SLC24A3: variants seen among roughly 807,000 people sequenced by gnomAD.
SLC24A3 encodes solute carrier family 24 member 3, also known as sodium/potassium/calcium exchanger 3.
SLC24A3 carries 28 observed loss-of-function variants against 75.8 expected under a neutral mutation model. The ratio of observed to expected loss-of-function variants is 0.37; its 90% CI spans 0.27 to 0.51. The LOEUF is 0.51. Ranked by LOEUF, SLC24A3 falls within the 20% of genes least tolerant of loss-of-function variation. The pLI, the probability that SLC24A3 is intolerant of heterozygous loss-of-function variation, is 0.94. For synonymous variants in SLC24A3, 372 were observed against 334.1 expected (o/e 1.11, Z -1.24); for missense variants, 663 against 847.8 (o/e 0.78, Z 2.71).
chr20:19,518,736 C>T (rs1284680297), intron 3 of SLC24A3, among the ~76,000 whole-genome samples: 1 of 152,196 alleles, frequency 6.6e-6, no homozygotes, highest in African/African-American at 2.4e-5. Context: ...ACCGTCCCTC[C>T]TTGCCTAGGG....
At chr20:19,351,334 C>A (rs1206768344) in intron 2 of SLC24A3, among the ~76,000 whole-genome samples, 1 of 152,220 alleles carries the variant, frequency 6.6e-6, no homozygotes, top group Non-Finnish European at 1.5e-5. Context: ...CTCTATTTCA[C>A]CTTCACATCA....
At chr20:19,479,762 C>T (rs115228197) in intron 2 of SLC24A3, among the ~76,000 whole-genome samples, 7 of 152,334 alleles carry the variant, frequency 4.6e-5, no homozygotes, top group Admixed American at 2.6e-4. Flanking sequence ...GGGCATTAAC[C>T]CCTAGCTCTG....
At chr20:19,349,103 A>G (rs938355558) in intron 2 of SLC24A3, among the ~76,000 whole-genome samples, 1 of 152,122 alleles carries the variant, frequency 6.6e-6, no homozygotes, top group Non-Finnish European at 1.5e-5. Flanking sequence ...AGCAATACAT[A>G]CTTGGTAAAT....
intron 2 of SLC24A3, among the ~76,000 whole-genome samples, chr20:19,389,877 G>A (rs551129429): frequency 1.1e-4 from 17 of 152,152 alleles, no homozygotes; most frequent in African/African-American, 3.9e-4. Context: ...ATGCTTGATT[G>A]TGTTCCATAA....
intron 6 of SLC24A3, among the ~76,000 whole-genome samples, chr20:19,593,125 A>G (rs2031402915): frequency 6.6e-6 from 1 of 152,232 alleles, no homozygotes; most frequent in Admixed American, 6.5e-5. Context: ...CAAGTTGCCC[A>G]GAGTCTTACC....
At position 19,665,897 on chromosome 20, in the gene SLC24A3, C is replaced by T; in HGVS notation, c.713+8C>T. ...TGATGAAAAAGTTTCCTGGTAAGTA[C>T]CTCTCTTTCCCCTTCTCATTTCTGA... On this transcript the variant is annotated splice_region_variant and intron_variant, in intron 8 of 16. Transcript: ENST00000328041. 1.2e-6 allele frequency: 2 copies of T among 1,603,718 alleles called. No homozygotes were observed. Among genetic ancestry groups the T allele is most frequent in the Non-Finnish European group, 1.7e-6 (2 of 1,174,846 alleles).
rs200121785 is a variant in SLC24A3 at position 19,280,921 on chromosome 20, C to T, written c.143-38C>T. On this transcript the variant is annotated intron_variant, in intron 1 of 16. Transcript: ENST00000328041. ...AGCGTCGGCAGAGGCTGAAACCCAG[C>T]TGTGAATGATGTGTGGTTATTGTCT... 15 of 1,605,950 alleles carry T rather than the reference C, an allele frequency of 9.3e-6. No homozygotes were observed. The East Asian group carries it at 3.4e-4, about 36-fold the overall frequency.
At chr20:19,242,347 G>C (rs1298798208) in intron 1 of SLC24A3, 1 of 152,220 alleles carries the variant, frequency 6.6e-6, no homozygotes, top group Non-Finnish European at 1.5e-5. Flanking sequence ...CAATGGGCAG[G>C]TGTGGGATTA....
At chr20:19,540,900 A>G (rs571611193) in intron 3 of SLC24A3, among the ~76,000 whole-genome samples, 54 of 152,320 alleles carry the variant, frequency 3.5e-4, no homozygotes, top group African/African-American at 1.2e-3. Flanking sequence ...TTTGATAACA[A>G]TGTCACTTTA....
intron 7 of SLC24A3, 21 bp from the exon 8 acceptor site, chr20:19,665,843 A>G (rs1403533651): frequency 5.2e-6 from 8 of 1,542,030 alleles, no homozygotes; most frequent in East Asian, 4.6e-5. Context: ...CTAATCTTCT[A>G]TTCTTTTTAT....
intron 6 of SLC24A3, among the ~76,000 whole-genome samples, chr20:19,649,537 C>T (rs1052237715): frequency 1.1e-4 from 16 of 152,128 alleles, no homozygotes; most frequent in African/African-American, 3.4e-4. Context: ...TCACTTACCT[C>T]GATTCTCTTG....
At chr20:19,663,168 A>G (rs1002584742) in intron 7 of SLC24A3, among the ~76,000 whole-genome samples, 1 of 151,912 alleles carries the variant, frequency 6.6e-6, no homozygotes, top group Non-Finnish European at 1.5e-5. Flanking sequence ...TCATGGCTCA[A>G]GTGATTCTCC....
intron 3 of SLC24A3, among the ~76,000 whole-genome samples, chr20:19,561,390 T>C (rs2030872912): frequency 6.6e-6 from 1 of 152,110 alleles, no homozygotes; most frequent in African/African-American, 2.4e-5. Flanking sequence ...AATCATGTGT[T>C]TGTTAGAATG....
intron 15 of SLC24A3, among the ~76,000 whole-genome samples, chr20:19,714,412 AAAAAAAAAAAAAAAC>A (rs1568708764): frequency 8.2e-6 from 1 of 122,274 alleles, no homozygotes; most frequent in African/African-American, 3.1e-5. Context: ...CTCTAAAAAA[AAAAAAAAAAAAAAAC>A]AACAAAAAGA....
chr20:19,287,681 A>G (rs193208376), intron 2 of SLC24A3, among the ~76,000 whole-genome samples: 107 of 152,332 alleles, frequency 7.0e-4, no homozygotes, highest in Non-Finnish European at 1.1e-3. Flanking sequence ...GGGGTCATCA[A>G]TGAGGCAGAA....
At chr20:19,411,314 G>A (rs1600470342) in intron 2 of SLC24A3, among the ~76,000 whole-genome samples, 1 of 152,358 alleles carries the variant, frequency 6.6e-6, no homozygotes, top group East Asian at 1.9e-4. Context: ...AAAAGAAAGT[G>A]TTGGGTTTTT....
At chr20:19,514,430 G>A (rs867477464) in intron 2 of SLC24A3, among the ~76,000 whole-genome samples, 1 of 152,216 alleles carries the variant, frequency 6.6e-6, no homozygotes. Context: ...AAATGGTGGT[G>A]GTTTCTCTAA....
intron 15 of SLC24A3, among the ~76,000 whole-genome samples, chr20:19,702,044 C>T (rs1414927630): frequency 6.6e-6 from 1 of 152,124 alleles, no homozygotes; most frequent in Non-Finnish European, 1.5e-5. Context: ...AAAACTAAAA[C>T]TCACCCCAGA....
chr20:19,533,229 G>A (rs890695495), intron 3 of SLC24A3, among the ~76,000 whole-genome samples: 3 of 152,152 alleles, frequency 2.0e-5, no homozygotes, highest in Non-Finnish European at 4.4e-5. Context: ...CATCCATGAT[G>A]GCCCCATTCA....
Sources: gnomAD v4.1 joint callset for allele counts (sites outside exome capture counted in the v4.1 genomes callset) on GRCh38, gnomAD v4.1.1 for gene constraint, MANE v1.5 for transcripts, NCBI Gene and HGNC (gene_info 2026-07-23, HGNC 2026-07-21) for gene names.